Variants in ASB11 observed in about 807,000 individuals in gnomAD.
ASB11 encodes the protein ankyrin repeat and SOCS box containing 11.
A neutral mutation model predicts 20.1 loss-of-function variants in ASB11; 17 were observed. The ratio of observed to expected loss-of-function variants is 0.85; its 90% CI spans 0.58 to 1.27. The LOEUF is 1.27. Among genes scored for constraint, ASB11 ranks in the 50% most tolerant of loss-of-function variants. The pLI, the probability that ASB11 is intolerant of heterozygous loss-of-function variation, is 0.00. For missense variants in ASB11, 259 were observed against 256.9 expected (o/e 1.01, Z -0.06); for synonymous variants, 107 against 105.6 (o/e 1.01, Z -0.08).
At chrX:15,295,345 A>G (rs1979861726) in intron 3 of ASB11, among the ~76,000 whole-genome samples, 1 of 112,484 alleles carries the variant, frequency 8.9e-6, no homozygotes, top group African/African-American at 3.2e-5. Context: ...CTGGCCAAAA[A>G]GAAATCATTT....
In ASB11 at chrX:15,282,868, T is replaced by C. The variant is rs1484794292; in HGVS notation, c.*637A>G. On this transcript the variant is annotated 3_prime_UTR_variant, in exon 7 of 7. Transcript: ENST00000480796. ...AAAGAACTTTGAAAACATATATATA[T>C]AAGCTTTATACATATATTAAGGACT... The C allele has an allele frequency of 9.4e-6, 1 of 106,308 alleles. No homozygotes were observed. The highest frequency in any genetic ancestry group is 1.9e-5 in the Non-Finnish European group (1 of 52,047). 8.8% of individuals were successfully genotyped at this position (106,308 alleles called of 1,213,427 possible). A position where few individuals can be genotyped will look rare whatever the true frequency, so the allele number is the denominator to read the frequency against.
chrX:15,285,158 T>TC (rs1430253314), intron 6 of ASB11, among the ~76,000 whole-genome samples: 3 of 105,526 alleles, frequency 2.8e-5, no homozygotes, highest in African/African-American at 1.0e-4. Context: ...TTTTTTTTTT[T>TC]TTTGACAGAA....
intron 1 of ASB11, chrX:15,314,576 A>G: frequency 9.0e-6 from 9 of 1,005,062 alleles, no homozygotes; most frequent in South Asian, 4.0e-5. Flanking sequence ...TTGGAATCAC[A>G]TAAGACTATT....
chrX:15,297,674 T>C lies in ASB11; in HGVS notation c.269A>G (p.Asn90Ser), dbSNP rs758430401. 5 of 1,204,598 alleles carry C rather than the reference T, an allele frequency of 4.2e-6. No homozygotes were observed. The highest frequency in any genetic ancestry group is 3.0e-5 in the East Asian group (1 of 33,737). The change falls in exon 3 of 7, where the codon AAT becomes AGT. Residue 90 changes from asparagine to serine, a missense_variant. Asn to Ser is a conservative substitution (Grantham distance 46). Transcript: ENST00000480796. ...ALKTLIAQGVNVNLVTINRVS... is the reference protein window; with the variant it reads ...ALKTLIAQGVSVNLVTINRVS... ...CCGGTTAATTGTCACAAGGTTCACA[T>C]TGACACCCTATAATTTAGAAAGAAG...
chrX:15,303,744 T>C (rs1173706342), intron 1 of ASB11, among the ~76,000 whole-genome samples: 2 of 111,618 alleles, frequency 1.8e-5, no homozygotes, highest in African/African-American at 6.5e-5. Flanking sequence ...AAGATGGAAA[T>C]ATAATAATCT....
At chrX:15,293,148 T>G in intron 4 of ASB11, 22 bp downstream of exon 4, 1 of 1,200,101 alleles carries the variant, frequency 8.3e-7, no homozygotes, top group South Asian at 1.8e-5. Context: ...ATGTTTCACA[T>G]GCATTGTGGT....
At chrX:15,289,179 A>AG (rs1432730957) in intron 5 of ASB11, among the ~76,000 whole-genome samples, 2 of 112,066 alleles carry the variant, frequency 1.8e-5, no homozygotes, top group African/African-American at 6.5e-5. Context: ...GGCCCCCATG[A>AG]GGGGTTCAAA....
chrX:15,312,844 T>C (rs1214147837), intron 1 of ASB11, among the ~76,000 whole-genome samples: 1 of 112,259 alleles, frequency 8.9e-6, no homozygotes, highest in Non-Finnish European at 1.9e-5. Context: ...CACCTAAATA[T>C]ATTGTTATGG....
intron 4 of ASB11, among the ~76,000 whole-genome samples, chrX:15,290,626 A>T (rs1405892522): frequency 8.9e-6 from 1 of 111,962 alleles, no homozygotes; most frequent in East Asian, 2.8e-4. Flanking sequence ...AGTGCTTCTG[A>T]GGTATTGATG....
At chrX:15,302,480 G>A (rs1464148687) in intron 2 of ASB11, among the ~76,000 whole-genome samples, 1 of 111,487 alleles carries the variant, frequency 9.0e-6, no homozygotes. Flanking sequence ...TCCTCATAGG[G>A]AAACTTCTTA....
intron 6 of ASB11, among the ~76,000 whole-genome samples, chrX:15,286,210 C>T (rs1927381431): frequency 9.0e-6 from 1 of 110,678 alleles, no homozygotes; most frequent in Admixed American, 9.7e-5. Flanking sequence ...TTAAGAAGCA[C>T]TGATTTAGAA....
At chrX:15,308,687 G>T (rs914119675) in intron 1 of ASB11, among the ~76,000 whole-genome samples, 2 of 111,879 alleles carry the variant, frequency 1.8e-5, no homozygotes, top group Non-Finnish European at 3.8e-5. Context: ...TCAGAAATAG[G>T]ACTGAAACCC....
chrX:15,282,165 G>C lies in ASB11; in HGVS notation c.*1340C>G, dbSNP rs1410222369. The C allele has an allele frequency of 9.0e-6, 1 of 110,976 alleles. No homozygotes were observed. The highest frequency in any genetic ancestry group is 3.3e-5 in the African/African-American group (1 of 30,521). The allele number at this position is 110,976 out of a possible 1,213,427, so 9.1% of individuals were successfully genotyped here. A position where few individuals can be genotyped will look rare whatever the true frequency, so the allele number is the denominator to read the frequency against. ...TGGGAGTGGGGCAAAATTGTCTCCA[G>C]TTGAGAGCCAAAGGTCTAGAAAAAT... On this transcript the variant is annotated 3_prime_UTR_variant, in exon 7 of 7. Coordinates refer to ENST00000480796, the MANE Select transcript of ASB11 (RefSeq NM_080873.3).
chrX:15,285,429 G>T (rs966286241), intron 6 of ASB11, among the ~76,000 whole-genome samples: 2 of 110,004 alleles, frequency 1.8e-5, no homozygotes, highest in Admixed American at 9.7e-5. Flanking sequence ...GTGAGCCACC[G>T]CGCCCAGCCA....
chrX:15,303,592 C>A (rs1394965869), intron 1 of ASB11, among the ~76,000 whole-genome samples: 4 of 111,574 alleles, frequency 3.6e-5, no homozygotes, highest in African/African-American at 1.3e-4. Flanking sequence ...TCCCTAAAAG[C>A]TTTGTTGTGG....
chrX:15,302,897 G>C (rs983925123), intron 1 of ASB11, 90 bp from the exon 2 acceptor site: 1 of 845,195 alleles, frequency 1.2e-6, no homozygotes, highest in African/African-American at 2.0e-5. Context: ...AGGAGGTTTG[G>C]GGGAAGAGGA....
Position 15,283,457 on chromosome X carries a change from A to G in ASB11, c.*48T>C, listed in dbSNP as rs376014454. ...CTACATTAGGTACTCTAGGTACAGCAGACAACAATCTGTGTCATTCCAAGT... is the reference window on the plus strand; with the variant it reads ...CTACATTAGGTACTCTAGGTACAGCGGACAACAATCTGTGTCATTCCAAGT... On this transcript the variant is annotated 3_prime_UTR_variant, in exon 7 of 7. Coordinates refer to ENST00000480796, the MANE Select transcript of ASB11 (RefSeq NM_080873.3). 25 of 1,199,027 alleles carry G rather than the reference A, an allele frequency of 2.1e-5. No individual in the cohort carries two copies. The African/African-American group carries it at 4.0e-4, about 19-fold the overall frequency.
At chrX:15,301,506 C>T (rs1921065449) in intron 2 of ASB11, among the ~76,000 whole-genome samples, 1 of 110,494 alleles carries the variant, frequency 9.1e-6, no homozygotes, top group East Asian at 2.8e-4. Flanking sequence ...TACACATGCA[C>T]ACACAGACAG....
At position 15,289,556 on chromosome X, in the gene ASB11, A is replaced by G; in HGVS notation, c.603T>C (p.Tyr201=). ...CTACCCTCTGGTAGGTGCAGGCCACATATAGGGGAGTTCCGAGCTGAGGCA... is the reference window on the plus strand; with the variant it reads ...CTACCCTCTGGTAGGTGCAGGCCACGTATAGGGGAGTTCCGAGCTGAGGCA... ...HEVPQLGTPL[Y]VACTYQRVDC... is the part of the protein sequence containing the mutation. Residue 201 remains tyrosine, a synonymous_variant, in exon 5 of 7, where the codon TAT becomes TAC. Transcript: ENST00000480796. 2 of 1,209,648 alleles carry G rather than the reference A, an allele frequency of 1.7e-6. No individual in the cohort carries two copies. Among genetic ancestry groups the G allele is most frequent in the Non-Finnish European group, 2.2e-6 (2 of 893,480 alleles).
Sources: gnomAD v4.1 joint callset for allele counts (sites outside exome capture counted in the v4.1 genomes callset) on GRCh38, gnomAD v4.1.1 for gene constraint, MANE v1.5 for transcripts, NCBI Gene and HGNC (gene_info 2026-07-23, HGNC 2026-07-21) for gene names.